Variants in ATP8A1 observed in about 807,000 individuals in gnomAD.
ATP8A1 encodes ATPase phospholipid transporting 8A1, also known as phospholipid-transporting ATPase IA.
In ATP8A1, 90 loss-of-function variants were observed where a neutral mutation model predicts 177.7. The observed-to-expected ratio is 0.51, with a 90% CI of 0.43 to 0.60. ATP8A1 has a LOEUF of 0.60. ATP8A1 is among the 20% of genes least tolerant of loss of function. The pLI is 0.00. For missense variants in ATP8A1, 1,072 were observed against 1,392.8 expected, an observed-to-expected ratio of 0.77 and a Z score of 3.67; for synonymous variants, 493 against 485.9, an observed-to-expected ratio of 1.01 and a Z score of -0.19.
chr4:42,453,620 T>C (rs992507995), intron 29 of ATP8A1, among the ~76,000 whole-genome samples: 1 of 152,234 alleles, frequency 6.6e-6, no homozygotes, highest in Non-Finnish European at 1.5e-5. Flanking sequence ...AGTTGCCATG[T>C]ACAGAAGAAT....
chr4:42,483,026 G>A (rs967475511), intron 25 of ATP8A1, among the ~76,000 whole-genome samples: 3 of 152,108 alleles, frequency 2.0e-5, no homozygotes, highest in Admixed American at 6.5e-5. Flanking sequence ...TCCTGAGGCC[G>A]GGAGATTGTA....
Position 42,496,085 on chromosome 4 carries a change from A to G in ATP8A1, c.2151+7365T>C, listed in dbSNP as rs547477007. On this transcript the variant is annotated intron_variant, in intron 24 of 36. Transcript: ENST00000381668. ...CTCTTGGCCCCTCAACAGAGGTTTG[A>G]GATTTGGGATTATGATAGGTTCCAT... 2.6e-5 allele frequency among the ~76,000 whole-genome samples: 4 copies of G among 152,280 alleles called. No homozygotes were observed. In the East Asian group the frequency reaches 7.7e-4, roughly 29 times the overall value.
At chr4:42,435,439 A>AAAAAC (rs1715833226) in intron 33 of ATP8A1, among the ~76,000 whole-genome samples, 1 of 103,662 alleles carries the variant, frequency 9.6e-6, no homozygotes, top group African/African-American at 4.2e-5. Flanking sequence ...AAAAAAAAAA[A>AAAAAC]AAAAAAAAAA....
intron 1 of ATP8A1, among the ~76,000 whole-genome samples, chr4:42,633,681 G>C (rs752597284): frequency 6.6e-6 from 1 of 152,170 alleles, no homozygotes; most frequent in Non-Finnish European, 1.5e-5. Flanking sequence ...TACCTCAAAG[G>C]GTGGTTGTAA....
intron 11 of ATP8A1, among the ~76,000 whole-genome samples, chr4:42,579,439 T>C (rs1461536529): frequency 3.4e-5 from 5 of 148,306 alleles, no homozygotes; most frequent in African/African-American, 1.2e-4. Flanking sequence ...ACATACAATA[T>C]ATATTTAAAT....
At position 42,580,057 on chromosome 4, in the gene ATP8A1, T is replaced by C. The variant is rs1337596656; in HGVS notation, c.835-79A>G. The C allele has an allele frequency of 6.8e-6, 8 of 1,169,634 alleles. No homozygotes were observed. In the Admixed American group the frequency reaches 1.7e-4, roughly 25 times the overall value. The allele number at this position is 1,169,634 out of a possible 1,614,324, so 72.5% of individuals were successfully genotyped here. On this transcript the variant is annotated intron_variant, in intron 10 of 36. Coordinates refer to ENST00000381668, the MANE Select transcript of ATP8A1 (RefSeq NM_006095.2). Reference sequence around the variant, plus strand: ...TCTATACTTAGTATTCTGTTGAGGATGACAAAGTCACAACTCAGTATCTAG... The same window carrying C: ...TCTATACTTAGTATTCTGTTGAGGACGACAAAGTCACAACTCAGTATCTAG...
chr4:42,418,373 T>C (rs1577891404), intron 35 of ATP8A1, among the ~76,000 whole-genome samples: 1 of 148,202 alleles, frequency 6.7e-6, no homozygotes, highest in African/African-American at 2.5e-5. Context: ...GCCTATGAAA[T>C]GCACTGCTTC....
intron 9 of ATP8A1, among the ~76,000 whole-genome samples, chr4:42,585,270 C>T (rs768309450): frequency 3.9e-4 from 60 of 151,960 alleles, no homozygotes; most frequent in South Asian, 6.2e-4. Flanking sequence ...ATTTGTTTTC[C>T]CAAAGCATTT....
chr4:42,502,558 G>T (rs1467779467), intron 24 of ATP8A1, among the ~76,000 whole-genome samples: 1 of 152,144 alleles, frequency 6.6e-6, no homozygotes, highest in Admixed American at 6.5e-5. Context: ...CAAATGACGC[G>T]TGGCTTGCCC....
intron 5 of ATP8A1, among the ~76,000 whole-genome samples, chr4:42,613,444 T>A (rs1197614322): frequency 6.6e-6 from 1 of 152,192 alleles, no homozygotes; most frequent in Non-Finnish European, 1.5e-5. Flanking sequence ...GCATATAACC[T>A]ATGCATGTCC....
chr4:42,550,287 T>C (rs935643177), intron 18 of ATP8A1, among the ~76,000 whole-genome samples: 6 of 152,188 alleles, frequency 3.9e-5, no homozygotes, highest in Non-Finnish European at 7.3e-5. Context: ...TAACTCATTC[T>C]TTTTTATTGT....
At chr4:42,639,647 AG>A (rs1273083735) in intron 1 of ATP8A1, among the ~76,000 whole-genome samples, 1 of 152,234 alleles carries the variant, frequency 6.6e-6, no homozygotes, top group East Asian at 1.9e-4. Flanking sequence ...ATGTATGTGT[AG>A]GTATATATAA....
At chr4:42,476,747 T>C (rs1001651875) in intron 25 of ATP8A1, among the ~76,000 whole-genome samples, 2 of 151,830 alleles carry the variant, frequency 1.3e-5, no homozygotes, top group African/African-American at 4.8e-5. Flanking sequence ...TAAGGAAGGG[T>C]ATCACAGGCA....
At chr4:42,642,937 T>C (rs1420820913) in intron 1 of ATP8A1, among the ~76,000 whole-genome samples, 1 of 152,228 alleles carries the variant, frequency 6.6e-6, no homozygotes, top group African/African-American at 2.4e-5. Context: ...CCTGATCTTA[T>C]CCCAGTCACT....
intron 12 of ATP8A1, 119 bp from the exon 13 acceptor site, chr4:42,575,818 G>A (rs1732387443): frequency 3.7e-6 from 3 of 814,308 alleles, no homozygotes; most frequent in Non-Finnish European, 6.0e-6. Context: ...TGAACTATAT[G>A]TAGGCACTAA....
intron 4 of ATP8A1, among the ~76,000 whole-genome samples, chr4:42,624,088 T>TA (rs1216110469): frequency 6.6e-6 from 1 of 151,900 alleles, no homozygotes; most frequent in African/African-American, 2.4e-5. Context: ...TACTTTCTTT[T>TA]AAAAAAATGA....
At chr4:42,524,645 C>T in intron 21 of ATP8A1, 118 bp downstream of exon 21, 1 of 550,830 alleles carries the variant, frequency 1.8e-6, no homozygotes, top group Non-Finnish European at 3.1e-6. Flanking sequence ...AAATTGCCAA[C>T]AGCTGATATC....
Position 42,657,027 on chromosome 4 carries a change from C to G in ATP8A1, c.-154G>C, listed in dbSNP as rs1429119655. The G allele has an allele frequency of 1.4e-6, 1 of 713,782 alleles. No individual in the cohort carries two copies. Among genetic ancestry groups the G allele is most frequent in the African/African-American group, 1.9e-5 (1 of 53,970 alleles). The allele number at this position is 713,782 out of a possible 1,614,324, so 44.2% of individuals were successfully genotyped here. On this transcript the variant is annotated 5_prime_UTR_variant, in exon 1 of 37. Transcript: ENST00000381668. ...GGGCAGAGCTGCCGCCGGGCGCGGC[C>G]CCCGCACGCCGACAGGAGGAGGAGA... is the stretch of plus-strand genomic sequence containing the variant.
intron 33 of ATP8A1, among the ~76,000 whole-genome samples, chr4:42,436,227 C>A (rs1192533909): frequency 3.3e-5 from 5 of 152,086 alleles, no homozygotes; most frequent in Non-Finnish European, 7.4e-5. Flanking sequence ...AATGCCCCAC[C>A]ATTAAACAAA....
Sources: allele counts gnomAD v4.1 joint callset (sites outside exome capture counted in the v4.1 genomes callset), GRCh38; gene constraint gnomAD v4.1.1; transcripts MANE v1.5; gene names NCBI Gene and HGNC (gene_info 2026-07-23, HGNC 2026-07-21).